Variants in TEAD1 observed in about 807,000 individuals in gnomAD.
TEAD1 encodes TEA domain transcription factor 1, also known as transcriptional enhancer factor TEF-1.
Under a neutral mutation model 54.9 loss-of-function variants are expected in TEAD1, and 9 were observed. The observed-to-expected ratio is 0.16, with a 90% confidence interval of 0.10 to 0.29. The LOEUF is 0.29. Ranked by LOEUF, TEAD1 falls within the 10% of genes least tolerant of loss-of-function variation. The pLI is 1.00. For missense variants in TEAD1, 387 were observed against 535.9 expected (o/e 0.72, Z 2.74); for synonymous variants, 200 against 187.8 (o/e 1.07, Z -0.53).
intron 7 of TEAD1, among the ~76,000 whole-genome samples, 182 bp from the exon 8 acceptor site, chr11:12,881,714 A>T (rs1406979199): frequency 1.3e-5 from 2 of 152,018 alleles, no homozygotes; most frequent in African/African-American, 2.4e-5. Context: ...TTTGATCCCT[A>T]CCTGGCTGCT....
intron 3 of TEAD1, among the ~76,000 whole-genome samples, chr11:12,797,282 A>G (rs1166187950): frequency 6.6e-6 from 1 of 152,210 alleles, no homozygotes; most frequent in Non-Finnish European, 1.5e-5. Context: ...ACTCTGTCCC[A>G]TCAGTCCTTC....
At chr11:12,845,926 A>G (rs1009765304) in intron 3 of TEAD1, among the ~76,000 whole-genome samples, 3 of 152,182 alleles carry the variant, frequency 2.0e-5, no homozygotes, top group African/African-American at 7.2e-5. Context: ...GGTCCTGCGG[A>G]GCGCCTTTCC....
At chr11:12,889,553 C>T (rs1948155419) in intron 9 of TEAD1, among the ~76,000 whole-genome samples, 1 of 152,066 alleles carries the variant, frequency 6.6e-6, no homozygotes, top group African/African-American at 2.4e-5. Flanking sequence ...GTTACACAAC[C>T]AGAGGAGGGA....
intron 11 of TEAD1, among the ~76,000 whole-genome samples, chr11:12,927,397 C>T (rs532107517): frequency 6.6e-6 from 1 of 152,276 alleles, no homozygotes; most frequent in South Asian, 2.1e-4. Context: ...TTCTATTCCA[C>T]CCACTATTTG....
At chr11:12,866,514 G>C (rs1947620812) in intron 5 of TEAD1, among the ~76,000 whole-genome samples, 1 of 152,024 alleles carries the variant, frequency 6.6e-6, no homozygotes, top group Admixed American at 6.5e-5. Context: ...CAATTTTTCT[G>C]TTGCTTTATA....
At chr11:12,925,764 A>G (rs1802710752) in intron 11 of TEAD1, among the ~76,000 whole-genome samples, 2 of 151,772 alleles carry the variant, frequency 1.3e-5, no homozygotes, top group Admixed American at 1.3e-4. Flanking sequence ...CCTACACCCA[A>G]CCCCTAGGTC....
In TEAD1 at chr11:12,800,161, C is replaced by T. The variant is rs11022504; in HGVS notation, c.202+35727C>T. ...ATTAGAAGTTGGAGAGCCCATCTGT[C>T]GTGCCAGTATACAAAAATGTCCGTG... On this transcript the variant is annotated intron_variant, in intron 3 of 12. Transcript: ENST00000527636. Among the ~76,000 whole-genome samples the T allele has an allele frequency of 0.017, 2,582 of 152,212 alleles. 171 individuals carry two copies. The East Asian group carries it at 0.23, about 13-fold the overall frequency.
intron 3 of TEAD1, among the ~76,000 whole-genome samples, chr11:12,836,973 G>A (rs963786809): frequency 6.6e-6 from 1 of 152,094 alleles, no homozygotes; most frequent in African/African-American, 2.4e-5. Context: ...CTTTGTTAAC[G>A]TTCAGCCTCT....
At chr11:12,823,876 G>A (rs1296323611) in intron 3 of TEAD1, among the ~76,000 whole-genome samples, 1 of 152,078 alleles carries the variant, frequency 6.6e-6, no homozygotes, top group Non-Finnish European at 1.5e-5. Flanking sequence ...ATGAGAGGGA[G>A]GGATGTAAAC....
chr11:12,722,429 C>T (rs557094135), intron 2 of TEAD1, among the ~76,000 whole-genome samples: 2 of 152,182 alleles, frequency 1.3e-5, no homozygotes, highest in Non-Finnish European at 2.9e-5. Flanking sequence ...TTGAATAGGT[C>T]ATCCGGTAAC....
At chr11:12,809,045 T>C (rs1946235459) in intron 3 of TEAD1, among the ~76,000 whole-genome samples, 1 of 152,214 alleles carries the variant, frequency 6.6e-6, no homozygotes, top group South Asian at 2.1e-4. Context: ...CATCCCAAAG[T>C]AGAAACCAAA....
At chr11:12,734,277 TAGAA>T (rs1450686379) in intron 2 of TEAD1, among the ~76,000 whole-genome samples, 1 of 152,224 alleles carries the variant, frequency 6.6e-6, no homozygotes, top group Non-Finnish European at 1.5e-5. Context: ...AGAAAGCTTA[TAGAA>T]AAAGACATAA....
At position 12,740,528 on chromosome 11, in the gene TEAD1, A is replaced by G. The variant is rs146648347; in HGVS notation, c.-54-23651A>G. On this transcript the variant is annotated intron_variant, in intron 2 of 12. Coordinates refer to ENST00000527636, the MANE Select transcript of TEAD1 (RefSeq NM_021961.6). ...AACGTGGGTAATTTATAAAGAAAAG[A>G]GGTTTGTCTCACAGTTCTGCTTGGT... Among the ~76,000 whole-genome samples, 10 of 152,294 alleles carry G rather than the reference A, an allele frequency of 6.6e-5. No individual in the cohort carries two copies. The East Asian group carries it at 1.9e-3, about 29-fold the overall frequency.
intron 5 of TEAD1, among the ~76,000 whole-genome samples, chr11:12,877,601 A>G (rs1003111782): frequency 3.0e-4 from 45 of 152,044 alleles, no homozygotes; most frequent in Admixed American, 1.8e-3. Context: ...GGAGGTTGCA[A>G]TGAGCTGAGA....
At chr11:12,749,994 C>T (rs1202084520) in intron 2 of TEAD1, among the ~76,000 whole-genome samples, 5 of 152,154 alleles carry the variant, frequency 3.3e-5, no homozygotes, top group Non-Finnish European at 7.4e-5. Context: ...TTTGCATCTG[C>T]TCCATCACCA....
chr11:12,910,724 T>G (rs999808251), intron 10 of TEAD1, among the ~76,000 whole-genome samples: 3 of 151,386 alleles, frequency 2.0e-5, no homozygotes, highest in Non-Finnish European at 4.4e-5. Context: ...TAAACAATAC[T>G]GTCTACATAG....
At chr11:12,880,356 C>T (rs1947940828) in intron 6 of TEAD1, among the ~76,000 whole-genome samples, 1 of 152,202 alleles carries the variant, frequency 6.6e-6, no homozygotes, top group Non-Finnish European at 1.5e-5. Context: ...TTGTCATTGC[C>T]ATTTTGCAGA....
intron 3 of TEAD1, among the ~76,000 whole-genome samples, chr11:12,833,926 C>G (rs1185874480): frequency 6.6e-6 from 1 of 152,306 alleles, no homozygotes; most frequent in African/African-American, 2.4e-5. Flanking sequence ...CCCAACTAGA[C>G]CTTGAGCTTG....
In TEAD1 at chr11:12,938,935, T is replaced by C. The variant is rs1949134754; in HGVS notation, c.*1713T>C. The C allele has an allele frequency of 6.6e-6, 1 of 152,242 alleles. No homozygotes were observed. The highest frequency in any genetic ancestry group is 2.4e-5 in the African/African-American group (1 of 41,464). 9.4% of individuals were successfully genotyped at this position (152,242 alleles called of 1,614,324 possible). ...CCACCAAGCTAGAAAATAAAAAACT[T>C]AGTTCTACCACATCCAATTAACTTA... On this transcript the variant is annotated 3_prime_UTR_variant, in exon 13 of 13. Coordinates refer to ENST00000527636, the MANE Select transcript of TEAD1 (RefSeq NM_021961.6).
Sources: gnomAD v4.1 joint callset for allele counts (sites outside exome capture counted in the v4.1 genomes callset) on GRCh38, gnomAD v4.1.1 for gene constraint, MANE v1.5 for transcripts, NCBI Gene and HGNC (gene_info 2026-07-23, HGNC 2026-07-21) for gene names.